Variants in ZNF587 observed in about 807,000 individuals in gnomAD.
The protein encoded by ZNF587 is zinc finger protein zfp6.
Under a neutral mutation model 7.5 loss-of-function variants are expected in ZNF587, and 8 were observed. The observed-to-expected ratio is 1.06, with a 90% CI of 0.62 to 1.92. ZNF587 has a LOEUF of 1.92. ZNF587 is among the 40% of genes most tolerant of loss of function. ZNF587 has a pLI of 0.00. For synonymous variants in ZNF587, 145 were observed against 237.8 expected (o/e 0.61, Z 3.59); for missense variants, 468 against 692.8 (o/e 0.68, Z 3.64).
intron 2 of ZNF587, chr19:57,858,333 T>G (rs914107791): frequency 3.1e-6 from 2 of 638,956 alleles, no homozygotes; most frequent in South Asian, 2.1e-5. Context: ...CACCATGTTG[T>G]TCATGCTGGT....
chr19:57,850,627 AC>A, intron 1 of ZNF587: 1 of 399,958 alleles, frequency 2.5e-6, no homozygotes, highest in East Asian at 3.6e-5. Flanking sequence ...CCCAGCAGAT[AC>A]CCCGAGTCCT....
In ZNF587 at chr19:57,850,311, G is replaced by A. The variant is rs1307633571; in HGVS notation, c.33+240G>A. ...GAGAAATAGTAATTCACGCAGAGCC[G>A]TCCTGCTGTTCGGGAGACAGGAGTT... On this transcript the variant is annotated intron_variant, in intron 1 of 2. Coordinates refer to ENST00000339656, the MANE Select transcript of ZNF587 (RefSeq NM_032828.4). 5 of 656,806 alleles carry A rather than the reference G, an allele frequency of 7.6e-6. No individual in the cohort carries two copies. In the East Asian group the frequency reaches 1.1e-4, roughly 14 times the overall value. The allele number at this position is 656,806 out of a possible 1,614,324, so 40.7% of individuals were successfully genotyped here.
Position 57,860,359 on chromosome 19 carries a change from C to T in ZNF587, c.*219C>T, listed in dbSNP as rs888617272. On this transcript the variant is annotated 3_prime_UTR_variant, in exon 3 of 3. Coordinates refer to ENST00000339656, the MANE Select transcript of ZNF587 (RefSeq NM_032828.4). Reference sequence around the variant, plus strand: ...TCTTGGCTCGCTGCAACTTGGGCCTCCTGGGTTCATGCAATCCTCCTACCT... The same window carrying T: ...TCTTGGCTCGCTGCAACTTGGGCCTTCTGGGTTCATGCAATCCTCCTACCT... 34 of 787,136 alleles carry T rather than the reference C, an allele frequency of 4.3e-5. No individual in the cohort carries two copies. The East Asian group carries it at 8.2e-4, about 19-fold the overall frequency. 48.8% of individuals were successfully genotyped at this position (787,136 alleles called of 1,614,324 possible).
chr19:57,864,581 G>A lies in ZNF587; in HGVS notation c.*4441G>A, dbSNP rs1217661432. 2.0e-5 allele frequency: 3 copies of A among 152,066 alleles called. No homozygotes were observed. The highest frequency in any genetic ancestry group is 1.9e-4 in the East Asian group (1 of 5,192). The allele number at this position is 152,066 out of a possible 1,614,324, so 9.4% of individuals were successfully genotyped here. A position where few individuals can be genotyped will look rare whatever the true frequency, so the allele number is the denominator to read the frequency against. ...TAAATGTCACCTTGTATTACAGCATGTTATATAAGCACATACAGGCACATA... is the reference window on the plus strand; with the variant it reads ...TAAATGTCACCTTGTATTACAGCATATTATATAAGCACATACAGGCACATA... On this transcript the variant is annotated 3_prime_UTR_variant, in exon 3 of 3. Transcript: ENST00000339656.
Position 57,858,597 on chromosome 19 carries a change from A to G in ZNF587, c.185A>G (p.Asp62Gly). Residue 62 changes from aspartate (D) to glycine (G), a missense_variant, in exon 3 of 3, where the codon GAT becomes GGT. By Grantham distance (94) the Asp-to-Gly change is moderately conservative. Transcript: ENST00000339656. ...TCAGGTTGTTGGTGTGGATCAAAAG[A>G]TGAGGAGGCACCTTGTAAGCAGAGA... ...SSLGCWCGSK[D>G]EEAPCKQRIS... is the part of the protein sequence containing the mutation. The G allele has an allele frequency of 6.3e-7, 1 of 1,596,202 alleles. No individual in the cohort carries two copies. The highest frequency in any genetic ancestry group is 8.5e-7 in the Non-Finnish European group (1 of 1,170,700).
chr19:57,852,161 A>G lies in ZNF587; in HGVS notation c.33+2090A>G, dbSNP rs568915794. ...AAGTGCCATTTTTTTCAGTCCTTTG[A>G]TCCGAGGACCCTGGAGAATCTCTGA... On this transcript the variant is annotated intron_variant, in intron 1 of 2. Coordinates refer to ENST00000339656, the MANE Select transcript of ZNF587 (RefSeq NM_032828.4). The G allele has an allele frequency of 1.5e-5, 6 of 391,876 alleles. No individual in the cohort carries two copies. The East Asian group carries it at 1.8e-4, about 12-fold the overall frequency. The allele number at this position is 391,876 out of a possible 1,614,324, so 24.3% of individuals were successfully genotyped here.
At chr19:57,850,263 A>G in intron 1 of ZNF587, 192 bp downstream of exon 1, 1 of 901,092 alleles carries the variant, frequency 1.1e-6, no homozygotes, top group Non-Finnish European at 1.7e-6. Context: ...GAGCCGATTT[A>G]TGAAGACTGG....
chr19:57,852,536 T>G (rs1297431030), intron 1 of ZNF587: 1 of 395,810 alleles, frequency 2.5e-6, no homozygotes, highest in Admixed American at 4.4e-5. Context: ...TTTTCTTTTT[T>G]TTTTCTTAAC....
At chr19:57,853,372 C>G (rs747718763) in intron 1 of ZNF587, among the ~76,000 whole-genome samples, 2 of 152,186 alleles carry the variant, frequency 1.3e-5, no homozygotes, top group African/African-American at 2.4e-5. Context: ...ACTAGACATA[C>G]TGGATGGGGT....
Position 57,859,345 on chromosome 19 carries a change from T to G in ZNF587, c.933T>G (p.Leu311=). 1 of 1,609,650 alleles carries G rather than the reference T, an allele frequency of 6.2e-7. No individual in the cohort carries two copies. The highest frequency in any genetic ancestry group is 1.1e-5 in the South Asian group (1 of 90,956). ...CGKSFSQKGS[L]ISHQLVHTGE... is the part of the protein sequence containing the mutation. ...AATCTTTTAGTCAGAAGGGCAGCCT[T>G]ATTAGCCATCAGCTTGTTCACACTG... Residue 311 remains leucine, a synonymous_variant, in exon 3 of 3, where the codon CTT becomes CTG. Transcript: ENST00000339656.
Position 57,849,895 on chromosome 19 carries a change from C to G in ZNF587, c.-144C>G. On this transcript the variant is annotated 5_prime_UTR_variant, in exon 1 of 3. Transcript: ENST00000339656. ...TGTATCGGCGATGCGGGTGTTTCCC[C>G]AGTTTGTGGCCCCTGAGTGCTGGGT... 1 of 1,535,286 alleles carries G rather than the reference C, an allele frequency of 6.5e-7. No homozygotes were observed. The highest frequency in any genetic ancestry group is 8.8e-7 in the Non-Finnish European group (1 of 1,140,722).
rs969210198 is a variant in ZNF587 at position 57,861,877 on chromosome 19, A to G, written c.*1737A>G. On this transcript the variant is annotated 3_prime_UTR_variant, in exon 3 of 3. Coordinates refer to ENST00000339656, the MANE Select transcript of ZNF587 (RefSeq NM_032828.4). ...AACCTCCACCTCCTGTGTTCAAGCG[A>G]TTCTGCCTCAGCCTCCTGAGTAGCT... The G allele has an allele frequency of 1.4e-5, 2 of 147,548 alleles. No homozygotes were observed. Among genetic ancestry groups the G allele is most frequent in the African/African-American group, 5.0e-5 (2 of 39,760 alleles). 9.1% of individuals were successfully genotyped at this position (147,548 alleles called of 1,614,324 possible).
chr19:57,851,274 A>C (rs1333060268), intron 1 of ZNF587: 2 of 152,142 alleles, frequency 1.3e-5, no homozygotes, highest in African/African-American at 4.8e-5. Flanking sequence ...TCTTGTAGCT[A>C]ATTTGTTAGT....
At chr19:57,853,376 A>T (rs1600119110) in intron 1 of ZNF587, among the ~76,000 whole-genome samples, 2 of 152,210 alleles carry the variant, frequency 1.3e-5, no homozygotes, top group East Asian at 3.8e-4. Context: ...GACATACTGG[A>T]TGGGGTATCT....
At chr19:57,856,633 C>T (rs1445869338) in intron 2 of ZNF587, among the ~76,000 whole-genome samples, 6 of 151,992 alleles carry the variant, frequency 3.9e-5, no homozygotes, top group Non-Finnish European at 8.8e-5. Context: ...TGGTCTTGAT[C>T]TCCTGACCTC....
At chr19:57,853,193 G>C (rs2071304891) in intron 1 of ZNF587, among the ~76,000 whole-genome samples, 2 of 152,180 alleles carry the variant, frequency 1.3e-5, no homozygotes, top group South Asian at 4.1e-4. Flanking sequence ...GAGCATGAAA[G>C]AGGAATCGGG....
intron 1 of ZNF587, among the ~76,000 whole-genome samples, chr19:57,852,842 T>TC: frequency 1.1e-5 from 1 of 90,446 alleles, no homozygotes; most frequent in Non-Finnish European, 2.3e-5. Context: ...CAGCTAGGCT[T>TC]TTTTTTTTTT....
rs772869871 is a variant in ZNF587, at chr19:57,850,077, TGTG to T, written c.33+10_33+12del. On this transcript the variant is annotated splice_region_variant and intron_variant, in intron 1 of 2. Coordinates refer to ENST00000339656, the MANE Select transcript of ZNF587 (RefSeq NM_032828.4). ...TGCCGAGGCGCCCAACTCAGGTAAT[TGTG>T]GTGCCTTCTGTGCCCTCAGGTCACC... 62 of 1,614,132 alleles carry T rather than the reference TGTG, an allele frequency of 3.8e-5. No individual in the cohort carries two copies. In the Admixed American group the frequency reaches 6.3e-4, roughly 16 times the overall value.
Position 57,859,783 on chromosome 19 carries a change from T to C in ZNF587, c.1371T>C (p.Val457=). ...RKYHLLVHER[V]HTGERPYACE... is the part of the protein sequence containing the mutation. ...ATCATCTTCTGGTTCATGAGAGAGT[T>C]CACACTGGAGAAAGGCCATATGCGT... is the stretch of plus-strand genomic sequence containing the variant. Residue 457 remains valine, a synonymous_variant, in exon 3 of 3, where the codon GTT becomes GTC. Coordinates refer to ENST00000339656, the MANE Select transcript of ZNF587 (RefSeq NM_032828.4). 2 of 1,614,060 alleles carry C rather than the reference T, an allele frequency of 1.2e-6. No homozygotes were observed. Among genetic ancestry groups the C allele is most frequent in the Non-Finnish European group, 1.7e-6 (2 of 1,180,008 alleles).
Sources: allele counts gnomAD v4.1 joint callset (sites outside exome capture counted in the v4.1 genomes callset), GRCh38; gene constraint gnomAD v4.1.1; transcripts MANE v1.5; gene names NCBI Gene and HGNC (gene_info 2026-07-23, HGNC 2026-07-21).